Variants in UGT8 observed in about 807,000 individuals in gnomAD.
The protein encoded by UGT8 is 2-hydroxyacylsphingosine 1-beta-galactosyltransferase.
UGT8 carries 12 observed loss-of-function variants against 40.5 expected under a neutral mutation model. The observed-to-expected ratio is 0.30, with a 90% CI of 0.19 to 0.48. The LOEUF is 0.48. Among genes scored for constraint, UGT8 ranks in the 20% least tolerant of loss-of-function variants. The pLI is 0.99. For missense variants in UGT8, 513 were observed against 648.7 expected, an observed-to-expected ratio of 0.79 and a Z score of 2.27; for synonymous variants, 224 against 240.4, an observed-to-expected ratio of 0.93 and a Z score of 0.63.
intron 1 of UGT8, among the ~76,000 whole-genome samples, chr4:114,613,932 C>T (rs981665982): frequency 3.9e-4 from 59 of 152,318 alleles, no homozygotes; most frequent in African/African-American, 1.4e-3. Context: ...TCACCATCAT[C>T]AGGCATTAAT....
chr4:114,599,091 C>CGGGGGGGGGG (rs933658933), intron 1 of UGT8, 117 bp downstream of exon 1: 1 of 3,000 alleles, frequency 3.3e-4, no homozygotes, highest in Non-Finnish European at 5.8e-4. Flanking sequence ...TGTCCAGGGG[C>CGGGGGGGGGG]GGGGGGGTGG....
At chr4:114,637,101 G>A (rs1303234301) in intron 2 of UGT8, among the ~76,000 whole-genome samples, 1 of 152,134 alleles carries the variant, frequency 6.6e-6, no homozygotes, top group African/African-American at 2.4e-5. Flanking sequence ...AAGTCAGAGA[G>A]GTAATGGTTC....
intron 2 of UGT8, among the ~76,000 whole-genome samples, chr4:114,634,293 A>G (rs1490903413): frequency 6.6e-6 from 1 of 152,228 alleles, no homozygotes; most frequent in Non-Finnish European, 1.5e-5. Flanking sequence ...GAGTGGATTC[A>G]AAAGTCAAAT....
intron 1 of UGT8, among the ~76,000 whole-genome samples, chr4:114,618,895 T>G (rs1481655448): frequency 6.6e-6 from 1 of 152,152 alleles, no homozygotes; most frequent in Non-Finnish European, 1.5e-5. Flanking sequence ...TTTGTGGTAC[T>G]TCCTTCGTCA....
chr4:114,676,187 A>G lies in UGT8; in HGVS notation c.1525A>G (p.Arg509Gly), dbSNP rs1735633626. 13 of 1,614,078 alleles carry G rather than the reference A, an allele frequency of 8.1e-6. No individual in the cohort carries two copies. Among genetic ancestry groups the G allele is most frequent in the Non-Finnish European group, 1.0e-5 (12 of 1,180,028 alleles). Residue 509 changes from arginine to glycine, a missense_variant, in exon 6 of 6, where the codon AGA becomes GGA. Physicochemically the swap from Arg to Gly is moderately radical, Grantham distance 125 (BLOSUM62 -2). Transcript: ENST00000310836. ...CAGAAAAATCAAAAGTCTGTGGTCT[A>G]GAAATAAGCATAGCACAGTTAATGG... ...IYRKIKSLWS[R>G]NKHSTVNGHY...
chr4:114,618,679 G>A (rs1447885901), intron 1 of UGT8, among the ~76,000 whole-genome samples: 1 of 152,000 alleles, frequency 6.6e-6, no homozygotes, highest in South Asian at 2.1e-4. Context: ...AAAAGCAATT[G>A]TTTGCTTTGC....
intron 1 of UGT8, among the ~76,000 whole-genome samples, chr4:114,615,767 T>A (rs1731371782): frequency 6.6e-6 from 1 of 152,240 alleles, no homozygotes; most frequent in Non-Finnish European, 1.5e-5. Flanking sequence ...CGTTTCACTC[T>A]CATTAAGTAG....
chr4:114,622,831 G>T, intron 1 of UGT8, 48 bp from the exon 2 acceptor site: 1 of 1,490,508 alleles, frequency 6.7e-7, no homozygotes, highest in South Asian at 1.3e-5. Flanking sequence ...TGTTTTGAAT[G>T]GTGAGCATTG....
intron 1 of UGT8, among the ~76,000 whole-genome samples, chr4:114,620,801 C>T (rs1164642646): frequency 2.0e-5 from 3 of 152,040 alleles, no homozygotes; most frequent in Non-Finnish European, 4.4e-5. Context: ...CTTTACATTG[C>T]TTGTAGTGTT....
intron 2 of UGT8, among the ~76,000 whole-genome samples, chr4:114,634,585 C>T (rs566240619): frequency 2.6e-5 from 4 of 152,206 alleles, no homozygotes; most frequent in South Asian, 4.2e-4. Context: ...GTATGTATAC[C>T]TGTGGTCCTG....
chr4:114,615,237 A>G (rs1017675994), intron 1 of UGT8, among the ~76,000 whole-genome samples: 1 of 151,964 alleles, frequency 6.6e-6, no homozygotes, highest in Non-Finnish European at 1.5e-5. Flanking sequence ...TTATCTGTAA[A>G]GTGGGAGCCA....
chr4:114,633,025 C>T (rs1025479321), intron 2 of UGT8, among the ~76,000 whole-genome samples: 3 of 152,054 alleles, frequency 2.0e-5, no homozygotes, highest in South Asian at 2.1e-4. Context: ...ACAGATAAAC[C>T]GACTTGACTT....
At chr4:114,602,839 G>A (rs965686017) in intron 1 of UGT8, among the ~76,000 whole-genome samples, 1 of 152,192 alleles carries the variant, frequency 6.6e-6, no homozygotes, top group African/African-American at 2.4e-5. Flanking sequence ...GATCATGGAG[G>A]GCTGTTTGCC....
chr4:114,662,342 T>C (rs1490106123), intron 2 of UGT8, among the ~76,000 whole-genome samples: 1 of 152,202 alleles, frequency 6.6e-6, no homozygotes, highest in African/African-American at 2.4e-5. Context: ...GAGTAAGAGC[T>C]ACAGCTCACT....
rs546024047 is a variant in UGT8 at position 114,667,306 on chromosome 4, C to T, written c.1043-779C>T. ...TTTCTTTCTGGCCAATAACATATAT[C>T]CTAAGTACAATGTTTTTGTTTTGTT... is the stretch of plus-strand genomic sequence containing the variant. On this transcript the variant is annotated intron_variant, in intron 4 of 5. Transcript: ENST00000310836. 3.3e-5 allele frequency among the ~76,000 whole-genome samples: 5 copies of T among 152,200 alleles called. No individual in the cohort carries two copies. In the South Asian group the frequency reaches 1.0e-3, roughly 32 times the overall value.
Position 114,675,947 on chromosome 4 carries a change from C to A in UGT8, c.1285C>A (p.Leu429Ile). 6.2e-7 allele frequency: 1 copy of A among 1,613,508 alleles called. No homozygotes were observed. Among genetic ancestry groups the A allele is most frequent in the Non-Finnish European group, 8.5e-7 (1 of 1,179,612 alleles). The change falls in exon 6 of 6, where the codon CTT becomes ATT. Residue 429 changes from leucine to isoleucine, a missense_variant. This residue lies in a region of UGT8 where 175 missense variants were observed against 186.7 expected (regional missense o/e 0.94). Coordinates refer to ENST00000310836, the MANE Select transcript of UGT8 (RefSeq NM_001128174.3). Reference protein sequence around the residue: ...NPSYRQRAQKLSEIHKDQPGH... With the variant: ...NPSYRQRAQKISEIHKDQPGH... Reference sequence around the variant, plus strand: ...TAGCTACCGTCAGAGGGCTCAGAAGCTTTCGGAAATTCACAAGGATCAACC... The same window carrying A: ...TAGCTACCGTCAGAGGGCTCAGAAGATTTCGGAAATTCACAAGGATCAACC...
In UGT8 at chr4:114,665,752, G is replaced by T. The variant is rs1734824465; in HGVS notation, c.1038G>T (p.Leu346=). Residue 346 remains leucine, a synonymous_variant, in exon 4 of 6, where the codon CTG becomes CTT. Transcript: ENST00000310836. The part of the protein sequence containing the change: ...KLIEWLPQND[L]LGHSKIKAFL... Reference sequence around the variant, plus strand: ...TAGAATGGTTACCACAAAATGACCTGCTTGGTAAGTCAATGATGTGTGGTT... The same window carrying T: ...TAGAATGGTTACCACAAAATGACCTTCTTGGTAAGTCAATGATGTGTGGTT... 1.9e-6 allele frequency: 3 copies of T among 1,606,082 alleles called. No homozygotes were observed. The highest frequency in any genetic ancestry group is 2.5e-6 in the Non-Finnish European group (3 of 1,177,290).
chr4:114,677,984 T>C lies in UGT8; in HGVS notation c.*1696T>C, dbSNP rs1474555580. 6.6e-6 allele frequency: 1 copy of C among 152,222 alleles called. No homozygotes were observed. The highest frequency in any genetic ancestry group is 2.4e-5 in the African/African-American group (1 of 41,458). The allele number at this position is 152,222 out of a possible 1,614,324, so 9.4% of individuals were successfully genotyped here. A position where few individuals can be genotyped will look rare whatever the true frequency, so the allele number is the denominator to read the frequency against. On this transcript the variant is annotated 3_prime_UTR_variant, in exon 6 of 6. Transcript: ENST00000310836. ...CTGAATACTTGAAGAAATGGTATTA[T>C]ACATACATAGAAACTTATTAGTTAT...
chr4:114,613,702 A>C (rs893206500), intron 1 of UGT8, among the ~76,000 whole-genome samples: 1 of 152,126 alleles, frequency 6.6e-6, no homozygotes, highest in South Asian at 2.1e-4. Flanking sequence ...CTAGATCCCT[A>C]TCTGTCAGTT....
Sources: allele counts gnomAD v4.1 joint callset (sites outside exome capture counted in the v4.1 genomes callset), GRCh38; gene constraint gnomAD v4.1.1; regional missense constraint gnomAD v4.1.1; transcripts MANE v1.5; gene names NCBI Gene and HGNC (gene_info 2026-07-23, HGNC 2026-07-21).